COL28A1: variants seen among roughly 807,000 people sequenced by gnomAD.
COL28A1 encodes collagen type XXVIII alpha 1 chain.
In COL28A1, 161 loss-of-function variants were observed where a neutral mutation model predicts 150.2. The ratio of observed to expected loss-of-function variants is 1.07; its 90% confidence interval spans 0.94 to 1.22. The LOEUF (loss-of-function observed/expected upper bound fraction) is 1.22. COL28A1 is among the 50% of genes most tolerant of loss of function. The pLI is 0.00. For synonymous variants in COL28A1, 552 were observed against 469.7 expected, an observed-to-expected ratio of 1.18 and a Z score of -2.26; for missense variants, 1,617 against 1,388.3, an observed-to-expected ratio of 1.16 and a Z score of -2.62.
intron 33 of COL28A1, among the ~76,000 whole-genome samples, chr7:7,361,227 T>C (rs1272502857): frequency 6.6e-6 from 1 of 152,188 alleles, no homozygotes; most frequent in East Asian, 1.9e-4. Flanking sequence ...CAAAAGCAAA[T>C]TTTCTGGACT....
chr7:7,524,501 CTA>C (rs1640641295), intron 3 of COL28A1, among the ~76,000 whole-genome samples: 1 of 152,148 alleles, frequency 6.6e-6, no homozygotes, highest in African/African-American at 2.4e-5. Context: ...TTACTGCATT[CTA>C]TGTTTTATCT....
chr7:7,498,474 G>T (rs183963906), intron 11 of COL28A1, among the ~76,000 whole-genome samples: 4 of 152,258 alleles, frequency 2.6e-5, no homozygotes, highest in African/African-American at 9.6e-5. Context: ...AGGGAAACAT[G>T]GGGAGTTATT....
chr7:7,521,300 A>T (rs1387780368), intron 5 of COL28A1, among the ~76,000 whole-genome samples: 2 of 152,206 alleles, frequency 1.3e-5, no homozygotes, highest in Non-Finnish European at 2.9e-5. Flanking sequence ...CCTACCAGTT[A>T]TTAGGCCAGA....
chr7:7,524,367 C>G (rs1781905885), intron 3 of COL28A1, 118 bp from the exon 4 acceptor site: 1 of 699,466 alleles, frequency 1.4e-6, no homozygotes, highest in African/African-American at 1.8e-5. Context: ...GCAATTCAGC[C>G]TTTTTAAACT....
intron 27 of COL28A1, among the ~76,000 whole-genome samples, chr7:7,413,291 G>A (rs1165094833): frequency 6.6e-6 from 1 of 152,110 alleles, no homozygotes; most frequent in Non-Finnish European, 1.5e-5. Flanking sequence ...AAGTTGCCAT[G>A]TAGACCACCA....
At chr7:7,414,667 G>A (rs1783971160) in intron 27 of COL28A1, among the ~76,000 whole-genome samples, 1 of 152,172 alleles carries the variant, frequency 6.6e-6, no homozygotes, top group Admixed American at 6.5e-5. Flanking sequence ...GAATAGGAAG[G>A]GGCATGGAAA....
At chr7:7,380,942 C>T in intron 28 of COL28A1, 80 bp from the exon 29 acceptor site, 19 of 1,194,966 alleles carry the variant, frequency 1.6e-5, no homozygotes, top group Non-Finnish European at 2.3e-5. Context: ...ATTTGGTTAT[C>T]TGCAACTGGC....
chr7:7,464,633 C>T (rs1318055563), intron 15 of COL28A1, among the ~76,000 whole-genome samples: 1 of 152,166 alleles, frequency 6.6e-6, no homozygotes, highest in African/African-American at 2.4e-5. Flanking sequence ...GTGACACAAC[C>T]TATGAAAACC....
At chr7:7,339,482 T>C in the COL28A1 span, among the ~76,000 whole-genome samples, 11 of 152,278 alleles carry the variant, frequency 7.2e-5, no homozygotes, top group African/African-American at 2.6e-4. Flanking sequence ...TGAGGCAGAA[T>C]ACTGTTCTGA....
At chr7:7,449,503 A>G (rs539506716) in intron 18 of COL28A1, among the ~76,000 whole-genome samples, 1 of 151,944 alleles carries the variant, frequency 6.6e-6, no homozygotes, top group Non-Finnish European at 1.5e-5. Flanking sequence ...TCTTTTAAAC[A>G]TTGTACAAGT....
At chr7:7,451,415 G>A (rs1243967751) in intron 18 of COL28A1, among the ~76,000 whole-genome samples, 1 of 151,908 alleles carries the variant, frequency 6.6e-6, no homozygotes, top group Admixed American at 6.6e-5. Context: ...TAGTAGAGAC[G>A]GGGTTTCACC....
At chr7:7,489,066 G>A (rs1219424003) in intron 13 of COL28A1, among the ~76,000 whole-genome samples, 3 of 152,066 alleles carry the variant, frequency 2.0e-5, no homozygotes, top group Non-Finnish European at 2.9e-5. Flanking sequence ...TCAGGAGTTC[G>A]AGATGAGCCT....
chr7:7,414,110 T>G (rs1020137981), intron 27 of COL28A1, among the ~76,000 whole-genome samples: 2 of 152,196 alleles, frequency 1.3e-5, no homozygotes, highest in Non-Finnish European at 2.9e-5. Context: ...TCTGTCTCCG[T>G]GCTTTTTAAC....
At position 7,490,563 on chromosome 7, in the gene COL28A1, G is replaced by T. The variant is rs369868569; in HGVS notation, c.1095+15C>A. ...TTCAACAGTCATCAGTGGGCAAAAA[G>T]ACAAGTATCTTTACCTTAATACCTT... On this transcript the variant is annotated intron_variant, in intron 12 of 34. Transcript: ENST00000399429. 3.6e-4 allele frequency: 395 copies of T among 1,103,048 alleles called. 1 individual carries two copies. The highest frequency in any genetic ancestry group is 1.1e-3 in the Admixed American group (64 of 58,330). 68.3% of individuals were successfully genotyped at this position (1,103,048 alleles called of 1,614,324 possible). A position where few individuals can be genotyped will look rare whatever the true frequency, so the allele number is the denominator to read the frequency against.
At chr7:7,350,432 G>T in the COL28A1 span, among the ~76,000 whole-genome samples, 23 of 152,204 alleles carry the variant, frequency 1.5e-4, no homozygotes, top group Non-Finnish European at 2.1e-4. Flanking sequence ...GGAAAGCTAA[G>T]ATAATGCTCC....
intron 11 of COL28A1, among the ~76,000 whole-genome samples, chr7:7,500,094 A>G (rs1244832456): frequency 6.6e-6 from 1 of 152,210 alleles, no homozygotes; most frequent in East Asian, 1.9e-4. Context: ...TTACCCAACT[A>G]TGTTAGAAGA....
At chr7:7,353,189 T>C (rs989730144), downstream of COL28A1, among the ~76,000 whole-genome samples, 1 of 152,236 alleles carries the variant, frequency 6.6e-6, no homozygotes, top group Admixed American at 6.5e-5. Flanking sequence ...AATCCAAGTC[T>C]AGTTCCTAAA....
intron 33 of COL28A1, among the ~76,000 whole-genome samples, chr7:7,368,048 A>G (rs554226230): frequency 1.3e-5 from 2 of 151,122 alleles, no homozygotes; most frequent in Admixed American, 1.3e-4. Context: ...CCTCATTATC[A>G]TTTTCCTGGA....
Position 7,532,817 on chromosome 7 carries a change from G to A in COL28A1, c.59C>T (p.Thr20Ile). Residue 20 changes from threonine (T) to isoleucine (I), a missense_variant, in exon 2 of 35, where the codon ACA becomes ATA. Physicochemically the swap from Thr to Ile is moderately conservative, Grantham distance 89. Coordinates refer to ENST00000399429, the MANE Select transcript of COL28A1 (RefSeq NM_001037763.3). Reference sequence around the variant, plus strand: ...TCCTTTCTTTCTTTGTCCGGATACTGTTTGACTCGTAAACGCTGACAAAAG... The same window carrying A: ...TCCTTTCTTTCTTTGTCCGGATACTATTTGACTCGTAAACGCTGACAAAAG... Reference protein sequence around the residue: ...LLLLSAFTSQTVSGQRKKGPK... With the variant: ...LLLLSAFTSQIVSGQRKKGPK... 6.2e-7 allele frequency: 1 copy of A among 1,612,002 alleles called. No individual in the cohort carries two copies. Among genetic ancestry groups the A allele is most frequent in the South Asian group, 1.1e-5 (1 of 90,782 alleles).
Sources: gnomAD v4.1 joint callset for allele counts (sites outside exome capture counted in the v4.1 genomes callset) on GRCh38, gnomAD v4.1.1 for gene constraint, MANE v1.5 for transcripts, NCBI Gene and HGNC (gene_info 2026-07-23, HGNC 2026-07-21) for gene names.